KAZN: variants seen among roughly 807,000 people sequenced by gnomAD.
KAZN encodes kazrin.
A neutral mutation model predicts 87.4 loss-of-function variants in KAZN; 40 were observed. The observed-to-expected ratio is 0.46, with a 90% CI of 0.36 to 0.60. The LOEUF (loss-of-function observed/expected upper bound fraction) is 0.60, where lower values mean the gene tolerates loss of function less well. Among genes scored for constraint, KAZN ranks in the 20% least tolerant of loss-of-function variants. The probability of loss-of-function intolerance (pLI) is 0.00; values close to 1 mark genes in which losing one functional copy is unlikely to be tolerated. For synonymous variants in KAZN, 466 were observed against 458.3 expected (o/e 1.02, Z -0.22); for missense variants, 898 against 1,073.9 (o/e 0.84, Z 2.29).
intron 1 of KAZN, among the ~76,000 whole-genome samples, chr1:14,772,962 G>A (rs932128673): frequency 3.9e-5 from 6 of 152,032 alleles, no homozygotes; most frequent in Non-Finnish European, 8.8e-5. Context: ...CAGCTTCTGC[G>A]CAGTTGAGTC....
chr1:15,097,840 T>C (rs1261544464), intron 10 of KAZN, among the ~76,000 whole-genome samples: 2 of 152,056 alleles, frequency 1.3e-5, no homozygotes, highest in Non-Finnish European at 2.9e-5. Context: ...CGGAGAAAAT[T>C]AGATGCAGAG....
chr1:14,617,728 G>C (rs1257012258), intron 1 of KAZN, among the ~76,000 whole-genome samples: 2 of 152,196 alleles, frequency 1.3e-5, no homozygotes, highest in African/African-American at 4.8e-5. Context: ...CTGTAGTGCT[G>C]AAGAGTGACC....
At chr1:14,874,085 ACTGT>A (rs1426852822) in intron 1 of KAZN, among the ~76,000 whole-genome samples, 1 of 152,168 alleles carries the variant, frequency 6.6e-6, no homozygotes. Context: ...CTGAGAGTTG[ACTGT>A]CCAAATTTCA....
chr1:14,676,048 GGGGA>G (rs142134767), intron 1 of KAZN, among the ~76,000 whole-genome samples: 3,360 of 152,254 alleles, frequency 0.022, 139 homozygotes, highest in African/African-American at 0.077. Context: ...GGGAATGAAG[GGGGA>G]GAGTGACCAG....
At chr1:14,310,085 G>T (rs1176588754) in intron 2 of KAZN, among the ~76,000 whole-genome samples, 1 of 152,112 alleles carries the variant, frequency 6.6e-6, no homozygotes, top group Non-Finnish European at 1.5e-5. Context: ...GCAAGGGAAA[G>T]GCAGGAGTCA....
chr1:14,218,946 A>G (rs891473694), intron 2 of KAZN, among the ~76,000 whole-genome samples: 11 of 152,254 alleles, frequency 7.2e-5, no homozygotes, highest in Admixed American at 4.6e-4. Context: ...CGTACATCAC[A>G]TGGCTGTGAT....
At chr1:14,196,806 G>A (rs1242109990) in intron 2 of KAZN, among the ~76,000 whole-genome samples, 1 of 152,048 alleles carries the variant, frequency 6.6e-6, no homozygotes, top group Admixed American at 6.6e-5. Context: ...CCAGGACTGA[G>A]CCCTGGGAAA....
rs72869249 is a variant in KAZN at position 14,972,369 on chromosome 1, G to T, written c.418+11494G>T. Reference sequence around the variant, plus strand: ...CTCAGAGGCAGTGCAGGGCACTCTTGCTCTGCGGTGCCTGAGCTTGGCTCA... The same window carrying T: ...CTCAGAGGCAGTGCAGGGCACTCTTTCTCTGCGGTGCCTGAGCTTGGCTCA... On this transcript the variant is annotated intron_variant, in intron 2 of 14. Transcript: ENST00000376030. Among the ~76,000 whole-genome samples, 601 of 152,336 alleles carry T rather than the reference G, an allele frequency of 3.9e-3. 2 individuals carry two copies. Among genetic ancestry groups the T allele is most frequent in the African/African-American group, 0.013 (556 of 41,570 alleles).
At chr1:14,781,689 A>C (rs75401743) in intron 1 of KAZN, among the ~76,000 whole-genome samples, 2,647 of 152,266 alleles carry the variant, frequency 0.017, 87 homozygotes, top group African/African-American at 0.058. Flanking sequence ...ACCCATCAAG[A>C]GGCCGGGGGC....
chr1:14,773,690 G>A lies in KAZN; in HGVS notation c.226+174467G>A, dbSNP rs774039554. On this transcript the variant is annotated intron_variant, in intron 1 of 14. Transcript: ENST00000376030. The surrounding 1 kb of genome is among the most constrained non-coding windows in gnomAD (Gnocchi z 5.9). The stretch of plus-strand genomic sequence containing the variant: ...CCATAGCCAGTGCCTCTATGCAGCC[G>A]GTTACCCATTGGCGTCACTTAGCCT... 4.6e-5 allele frequency among the ~76,000 whole-genome samples: 7 copies of A among 152,106 alleles called. No homozygotes were observed. The highest frequency in any genetic ancestry group is 1.3e-4 in the Admixed American group (2 of 15,280).
chr1:13,917,170 G>A (rs899675620), intron 1 of KAZN, among the ~76,000 whole-genome samples: 8 of 152,258 alleles, frequency 5.3e-5, no homozygotes, highest in African/African-American at 1.2e-4. Context: ...CCTACCATAC[G>A]TTAGAGGAAA....
intron 1 of KAZN, among the ~76,000 whole-genome samples, chr1:14,691,945 C>T (rs1265993653): frequency 1.4e-5 from 2 of 142,774 alleles, no homozygotes; most frequent in South Asian, 2.2e-4. Flanking sequence ...TTTTTTTTTA[C>T]GATGAATTCA....
chr1:14,704,550 G>A (rs1309212825), intron 1 of KAZN, among the ~76,000 whole-genome samples: 1 of 152,174 alleles, frequency 6.6e-6, no homozygotes, highest in Non-Finnish European at 1.5e-5. Flanking sequence ...TGGCTCTCAG[G>A]GATGACCTGT....
intron 10 of KAZN, among the ~76,000 whole-genome samples, chr1:15,095,190 A>G (rs1431105225): frequency 1.3e-5 from 2 of 152,150 alleles, no homozygotes; most frequent in East Asian, 1.9e-4. Flanking sequence ...TACACCCCCA[A>G]CCAATGCGGG....
At chr1:14,286,013 T>G (rs1653221049) in intron 2 of KAZN, among the ~76,000 whole-genome samples, 1 of 152,196 alleles carries the variant, frequency 6.6e-6, no homozygotes, top group Non-Finnish European at 1.5e-5. Flanking sequence ...GTTCCCTCTC[T>G]TACGCTGCTC....
In KAZN at chr1:14,599,100, C is replaced by G; in HGVS notation, c.103C>G (p.Arg35Gly). 1.3e-6 allele frequency: 2 copies of G among 1,558,204 alleles called. No homozygotes were observed. Among genetic ancestry groups the G allele is most frequent in the Non-Finnish European group, 1.7e-6 (2 of 1,156,932 alleles). The change falls in exon 1 of 15, where the codon CGG becomes GGG. Residue 35 changes from arginine (R) to glycine (G), a missense_variant. Around this residue, in one of 3 missense-constraint regions of KAZN, gnomAD observed 250 missense variants for 263.0 expected, o/e 0.95. Transcript: ENST00000376030. This position sits in a 1 kb window ranked among gnomAD's most constrained non-coding sequence, Gnocchi z 4.4. ...GCGAGCCGAACTCACGGCCACCAAC[C>G]GGAGACTGGCGGAACTGAGCGGCGG... Reference protein sequence around the residue: ...NLRAELTATNRRLAELSGGGG... With the variant: ...NLRAELTATNGRLAELSGGGG...
chr1:14,363,963 C>A (rs572822629), intron 2 of KAZN, among the ~76,000 whole-genome samples: 4 of 110,652 alleles, frequency 3.6e-5, no homozygotes, highest in Admixed American at 1.8e-4. Flanking sequence ...CCTTTACTCA[C>A]AATATTTTTT....
chr1:14,142,750 C>T (rs1645266796), intron 1 of KAZN, among the ~76,000 whole-genome samples: 1 of 152,184 alleles, frequency 6.6e-6, no homozygotes, highest in Non-Finnish European at 1.5e-5. Context: ...TGGAGGGCCT[C>T]TCCTCCTCAT....
In KAZN at chr1:14,851,023, A is replaced by T. The variant is rs1649371436; in HGVS notation, c.227-109661A>T. On this transcript the variant is annotated intron_variant, in intron 1 of 14. Transcript: ENST00000376030. ...CCCTGCACAGTGCTGGGATCAGAGCAGAATTTGGGGATACTCCCTGAGTTG... is the reference window on the plus strand; with the variant it reads ...CCCTGCACAGTGCTGGGATCAGAGCTGAATTTGGGGATACTCCCTGAGTTG... Among the ~76,000 whole-genome samples the T allele has an allele frequency of 2.6e-5, 4 of 152,348 alleles. No individual in the cohort carries two copies. In the South Asian group the frequency reaches 8.3e-4, roughly 32 times the overall value.
Sources: gnomAD v4.1 joint callset for allele counts (sites outside exome capture counted in the v4.1 genomes callset) on GRCh38, gnomAD v4.1.1 for gene constraint, gnomAD v4.1.1 regional missense constraint, Gnocchi (gnomAD v3.1) non-coding constraint, MANE v1.5 for transcripts, NCBI Gene and HGNC (gene_info 2026-07-23, HGNC 2026-07-21) for gene names.